PRUNE2: variants seen among roughly 807,000 people sequenced by gnomAD.
PRUNE2 encodes protein prune homolog 2.
In PRUNE2, 164 loss-of-function variants were observed where a neutral mutation model predicts 252.0. That is an observed-to-expected ratio of 0.65 (90% CI 0.57 to 0.74). PRUNE2 has a LOEUF of 0.74. PRUNE2 is among the 30% of genes least tolerant of loss of function. The pLI, the probability that PRUNE2 is intolerant of heterozygous loss-of-function variation, is 0.00. For missense variants in PRUNE2, 3,495 were observed against 3,711.0 expected, an observed-to-expected ratio of 0.94 and a Z score of 1.51; for synonymous variants, 1,292 against 1,350.2, an observed-to-expected ratio of 0.96 and a Z score of 0.94.
At chr9:76,622,041 G>A (rs559060733) in intron 17 of PRUNE2, among the ~76,000 whole-genome samples, 2 of 152,206 alleles carry the variant, frequency 1.3e-5, no homozygotes, top group African/African-American at 4.8e-5. Flanking sequence ...AACTTTGGGG[G>A]TGAGACATGG....
At chr9:76,743,379 G>C (rs2049820509) in intron 6 of PRUNE2, among the ~76,000 whole-genome samples, 1 of 152,180 alleles carries the variant, frequency 6.6e-6, no homozygotes, top group Non-Finnish European at 1.5e-5. Context: ...ATGAAATAAA[G>C]AGAATACTAT....
chr9:76,623,522 T>A (rs553265559), intron 17 of PRUNE2, among the ~76,000 whole-genome samples: 7 of 152,322 alleles, frequency 4.6e-5, no homozygotes, highest in African/African-American at 1.4e-4. Context: ...CTCGATCTCC[T>A]GACCTCGTGA....
chr9:76,846,357 C>G (rs1332280192), intron 4 of PRUNE2, among the ~76,000 whole-genome samples, 158 bp downstream of exon 4: 1 of 152,222 alleles, frequency 6.6e-6, no homozygotes. Context: ...TAATGCTACT[C>G]TTTAACAAAC....
At chr9:76,703,185 T>C (rs1202047520) in intron 9 of PRUNE2, among the ~76,000 whole-genome samples, 152 bp downstream of exon 9, 5 of 151,954 alleles carry the variant, frequency 3.3e-5, no homozygotes, top group Admixed American at 2.6e-4. Context: ...AGTTATCTAG[T>C]AGCTGCTTTT....
At chr9:76,687,187 T>G (rs1294581170) in intron 9 of PRUNE2, among the ~76,000 whole-genome samples, 1 of 152,250 alleles carries the variant, frequency 6.6e-6, no homozygotes, top group African/African-American at 2.4e-5. Context: ...AAACAGTCTC[T>G]AGCTCTCCTT....
chr9:76,655,046 G>C (rs531713883), intron 10 of PRUNE2, among the ~76,000 whole-genome samples: 3 of 152,162 alleles, frequency 2.0e-5, no homozygotes, highest in Non-Finnish European at 4.4e-5. Flanking sequence ...TGATAGTTAG[G>C]ATACTGAGCA....
chr9:76,613,609 G>A lies in PRUNE2; in HGVS notation c.*961C>T, dbSNP rs1828124326. On this transcript the variant is annotated 3_prime_UTR_variant, in exon 19 of 19. Coordinates refer to ENST00000376718, the MANE Select transcript of PRUNE2 (RefSeq NM_015225.3). ...TGAAATCTTGTTGGCATTTTAAAGG[G>A]CATATGAAGACTATAAAGGAAATAT... The A allele has an allele frequency of 6.6e-6, 1 of 152,142 alleles. No homozygotes were observed. Among genetic ancestry groups the A allele is most frequent in the African/African-American group, 2.4e-5 (1 of 41,414 alleles). The allele number at this position is 152,142 out of a possible 1,614,324, so 9.4% of individuals were successfully genotyped here. A position where few individuals can be genotyped will look rare whatever the true frequency, so the allele number is the denominator to read the frequency against.
chr9:76,705,123 G>C lies in PRUNE2; in HGVS notation c.7151C>G (p.Ser2384Cys), dbSNP rs767156306. The C allele has an allele frequency of 4.3e-6, 7 of 1,614,002 alleles. No homozygotes were observed. The South Asian group carries it at 4.4e-5, about 10-fold the overall frequency. The change falls in exon 8 of 19, where the codon TCT becomes TGT. Residue 2384 changes from serine to cysteine, a missense_variant. Ser to Cys is a moderately radical substitution (Grantham distance 112). Transcript: ENST00000376718. Reference sequence around the variant, plus strand: ...GTACGGTGCCAGCGACTGCTTCAGAGAATCTTCCTCCAAAGGAGGGTCACC... The same window carrying C: ...GTACGGTGCCAGCGACTGCTTCAGACAATCTTCCTCCAAAGGAGGGTCACC... ...YGGDPPLEED[S>C]LKQSLAPYTP... is the part of the protein sequence containing the mutation.
At chr9:76,671,763 A>G (rs889297323) in intron 9 of PRUNE2, among the ~76,000 whole-genome samples, 1 of 151,018 alleles carries the variant, frequency 6.6e-6, no homozygotes, top group South Asian at 2.1e-4. Context: ...TTCTTAAAGA[A>G]AAGAATTTTC....
At chr9:76,823,970 G>C (rs914523707) in intron 5 of PRUNE2, among the ~76,000 whole-genome samples, 4 of 152,264 alleles carry the variant, frequency 2.6e-5, no homozygotes, top group Middle Eastern at 3.4e-3. Flanking sequence ...TTAATGGCAG[G>C]ACACTTACAG....
intron 6 of PRUNE2, among the ~76,000 whole-genome samples, chr9:76,725,381 A>G (rs114086190): frequency 0.014 from 2,111 of 152,296 alleles, 45 homozygotes; most frequent in African/African-American, 0.047. Context: ...TGGCTCAATG[A>G]AAGTGTCAGT....
chr9:76,797,521 A>C (rs924323999), intron 6 of PRUNE2, among the ~76,000 whole-genome samples: 16 of 152,194 alleles, frequency 1.1e-4, no homozygotes, highest in Admixed American at 9.8e-4. Flanking sequence ...ATTGTTTCCC[A>C]AAAGTCTGAA....
chr9:76,860,940 G>T (rs1360909687), intron 1 of PRUNE2, among the ~76,000 whole-genome samples: 2 of 152,142 alleles, frequency 1.3e-5, no homozygotes, highest in Non-Finnish European at 2.9e-5. Flanking sequence ...ATGCGGAAAG[G>T]GCCCAGCCCC....
chr9:76,705,812 G>A lies in PRUNE2; in HGVS notation c.6462C>T (p.Val2154=). The A allele has an allele frequency of 6.2e-7, 1 of 1,613,662 alleles. No individual in the cohort carries two copies. Among genetic ancestry groups the A allele is most frequent in the South Asian group, 1.1e-5 (1 of 91,074 alleles). The change falls in exon 8 of 19, where the codon GTC becomes GTT. Residue 2154 remains valine (V), a synonymous_variant. Transcript: ENST00000376718. The part of the protein sequence containing the change: ...EPIYEPGREF[V]PSNAELDSEN... ...CAGAATCGAGTTCTGCATTGGATGGGACAAACTCCCGTCCAGGCTCATAAA... is the reference window on the plus strand; with the variant it reads ...CAGAATCGAGTTCTGCATTGGATGGAACAAACTCCCGTCCAGGCTCATAAA...
At chr9:76,818,780 C>T (rs2057851565) in intron 6 of PRUNE2, among the ~76,000 whole-genome samples, 1 of 152,172 alleles carries the variant, frequency 6.6e-6, no homozygotes, top group Admixed American at 6.5e-5. Context: ...CAGGTTCATA[C>T]AGGCAATCTT....
intron 3 of PRUNE2, among the ~76,000 whole-genome samples, chr9:76,848,637 T>C: frequency 6.6e-6 from 1 of 152,244 alleles, no homozygotes; most frequent in East Asian, 1.9e-4. Flanking sequence ...ATTGCCAAAC[T>C]GTGAAAAACT....
chr9:76,833,504 G>C (rs2058776659), intron 4 of PRUNE2, among the ~76,000 whole-genome samples: 1 of 152,152 alleles, frequency 6.6e-6, no homozygotes, highest in South Asian at 2.1e-4. Context: ...GGTGGCTCAT[G>C]CCTGTAATCC....
intron 6 of PRUNE2, among the ~76,000 whole-genome samples, chr9:76,719,497 T>C (rs2047438494): frequency 6.6e-6 from 1 of 152,120 alleles, no homozygotes; most frequent in Non-Finnish European, 1.5e-5. Flanking sequence ...ATATATTCTT[T>C]TTTTTAGGCC....
At chr9:76,858,676 G>A (rs1403590888) in intron 1 of PRUNE2, among the ~76,000 whole-genome samples, 1 of 151,464 alleles carries the variant, frequency 6.6e-6, no homozygotes, top group Non-Finnish European at 1.5e-5. Context: ...GTTGATGGAT[G>A]CAGCAAACCA....
Sources: allele counts gnomAD v4.1 joint callset (sites outside exome capture counted in the v4.1 genomes callset), GRCh38; gene constraint gnomAD v4.1.1; transcripts MANE v1.5; gene names NCBI Gene and HGNC (gene_info 2026-07-23, HGNC 2026-07-21).